RBFOX1: variants seen among roughly 807,000 people sequenced by gnomAD.
RBFOX1 encodes RNA binding fox-1 homolog 1, also known as RNA binding protein fox-1 homolog 1.
In RBFOX1, 8 loss-of-function variants were observed where a neutral mutation model predicts 57.7. The ratio of observed to expected loss-of-function variants is 0.14; its 90% CI spans 0.08 to 0.25. The LOEUF (loss-of-function observed/expected upper bound fraction) is 0.25, where lower values mean the gene tolerates loss of function less well. RBFOX1 is among the 10% of genes least tolerant of loss of function. The pLI is 1.00. For missense variants in RBFOX1, 611 were observed against 548.5 expected (o/e 1.11, Z -1.14); for synonymous variants, 326 against 222.4 (o/e 1.47, Z -4.15).
intron 2 of RBFOX1, among the ~76,000 whole-genome samples, chr16:6,647,849 C>T (rs1000286480): frequency 6.6e-6 from 1 of 152,054 alleles, no homozygotes; most frequent in South Asian, 2.1e-4. Context: ...ATCCCCTTCT[C>T]TTTGTTTTGA....
chr16:6,240,456 C>T (rs1415397606), intron 1 of RBFOX1, among the ~76,000 whole-genome samples: 1 of 151,990 alleles, frequency 6.6e-6, no homozygotes. Context: ...AGGGAGTGAA[C>T]CTTCCTCCCC....
chr16:7,275,188 G>A (rs2095416959), intron 4 of RBFOX1, among the ~76,000 whole-genome samples: 1 of 152,070 alleles, frequency 6.6e-6, no homozygotes, highest in Admixed American at 6.5e-5. Flanking sequence ...GAGGAAGGGA[G>A]AAAACAGACA....
intron 1 of RBFOX1, among the ~76,000 whole-genome samples, chr16:6,258,981 A>G (rs796528107): frequency 9.8e-5 from 15 of 152,356 alleles, no homozygotes; most frequent in African/African-American, 3.6e-4. Flanking sequence ...TTACAACATT[A>G]GATGACTGAT....
chr16:7,041,954 T>G (rs2153708534), intron 3 of RBFOX1, among the ~76,000 whole-genome samples: 1 of 152,332 alleles, frequency 6.6e-6, no homozygotes, highest in South Asian at 2.1e-4. Flanking sequence ...CTGCAGAGAT[T>G]ATATAATATG....
intron 3 of RBFOX1, among the ~76,000 whole-genome samples, chr16:6,854,553 C>G (rs1430051124): frequency 1.3e-5 from 2 of 150,660 alleles, no homozygotes; most frequent in Admixed American, 6.6e-5. Flanking sequence ...TTCTGAACCT[C>G]ACGCATTACC....
intron 3 of RBFOX1, among the ~76,000 whole-genome samples, chr16:5,698,749 C>T (rs1237777049): frequency 6.6e-6 from 1 of 152,132 alleles, no homozygotes; most frequent in African/African-American, 2.4e-5. Flanking sequence ...GTCCATACAA[C>T]ATAAAGTCAT....
At chr16:5,250,548 C>A (rs565320664) in intron 1 of RBFOX1, among the ~76,000 whole-genome samples, 1 of 152,296 alleles carries the variant, frequency 6.6e-6, no homozygotes, top group East Asian at 1.9e-4. Context: ...CTGTCCACAC[C>A]TTTTTCCTCT....
chr16:7,241,250 T>C (rs539582340), intron 4 of RBFOX1, among the ~76,000 whole-genome samples: 5 of 152,170 alleles, frequency 3.3e-5, no homozygotes, highest in African/African-American at 1.2e-4. Context: ...ATTAGCTGAA[T>C]TCTGGCATCT....
At chr16:5,614,601 T>A (rs1298532583) in intron 3 of RBFOX1, among the ~76,000 whole-genome samples, 1 of 152,210 alleles carries the variant, frequency 6.6e-6, no homozygotes, top group Non-Finnish European at 1.5e-5. Flanking sequence ...GTATATTTAT[T>A]ATAGACGATA....
At chr16:7,003,775 A>C (rs2093048380) in intron 3 of RBFOX1, among the ~76,000 whole-genome samples, 1 of 152,180 alleles carries the variant, frequency 6.6e-6, no homozygotes, top group Admixed American at 6.5e-5. Flanking sequence ...GTCTAATTTT[A>C]TTAATAGAAC....
At chr16:6,999,428 T>A (rs1347148943) in intron 3 of RBFOX1, among the ~76,000 whole-genome samples, 2 of 151,410 alleles carry the variant, frequency 1.3e-5, no homozygotes, top group African/African-American at 2.4e-5. Flanking sequence ...TCATTCTGAT[T>A]TTTTTTAATT....
At chr16:7,574,465 G>A (rs7205438) in intron 5 of RBFOX1, among the ~76,000 whole-genome samples, 46,795 of 151,764 alleles carry the variant, frequency 0.31, 8,628 homozygotes, top group East Asian at 0.53. Flanking sequence ...CAAAAGTAGG[G>A]AAGCCAACAG....
At chr16:6,638,818 C>A (rs142869890) in intron 2 of RBFOX1, among the ~76,000 whole-genome samples, 1 of 152,138 alleles carries the variant, frequency 6.6e-6, no homozygotes, top group African/African-American at 2.4e-5. Context: ...CCATTTTGGT[C>A]TTGTCAGTTA....
chr16:5,624,902 C>G (rs770597261), intron 3 of RBFOX1, among the ~76,000 whole-genome samples: 5 of 152,102 alleles, frequency 3.3e-5, no homozygotes, highest in Non-Finnish European at 7.4e-5. Flanking sequence ...TGGAAACTGC[C>G]CAATAGGTTT....
chr16:7,142,150 A>G (rs2073959893), intron 4 of RBFOX1, among the ~76,000 whole-genome samples: 1 of 152,040 alleles, frequency 6.6e-6, no homozygotes, highest in Admixed American at 6.6e-5. Flanking sequence ...CAGCCTCCCA[A>G]GTAGCTGGGA....
intron 1 of RBFOX1, among the ~76,000 whole-genome samples, chr16:6,115,747 T>G (rs2096490464): frequency 6.6e-6 from 1 of 152,194 alleles, no homozygotes; most frequent in South Asian, 2.1e-4. Context: ...AGCTACACAG[T>G]GGGCTAGGTT....
intron 1 of RBFOX1, among the ~76,000 whole-genome samples, chr16:6,077,977 G>A (rs1164697374): frequency 1.3e-5 from 2 of 152,144 alleles, no homozygotes; most frequent in Non-Finnish European, 2.9e-5. Flanking sequence ...CAGTAAAATG[G>A]AGAGAACTTT....
intron 4 of RBFOX1, among the ~76,000 whole-genome samples, chr16:7,062,893 A>ATTTTTTTTTTTTTTTTTTTTT (rs1170936027): frequency 1.5e-4 from 7 of 47,248 alleles, no homozygotes; most frequent in Non-Finnish European, 1.9e-4. Context: ...AATGATCGCC[A>ATTTTTTTTTTTTTTTTTTTTT]TTTTTTTTTT....
intron 4 of RBFOX1, among the ~76,000 whole-genome samples, chr16:7,067,240 T>C (rs9922917): frequency 0.67 from 101,033 of 151,922 alleles, 34,208 homozygotes; most frequent in South Asian, 0.74. Flanking sequence ...GCCGAAATTA[T>C]TAGTTCAGAG....
Sources: allele counts gnomAD v4.1 joint callset (sites outside exome capture counted in the v4.1 genomes callset), GRCh38; gene constraint gnomAD v4.1.1; transcripts MANE v1.5; gene names NCBI Gene and HGNC (gene_info 2026-07-23, HGNC 2026-07-21).